The following HEMK2 variants were observed in gnomAD, a reference collection of about 807,000 sequenced individuals.
HEMK2 encodes the protein HemK methyltransferase 2, ETF1 glutamine and histone H4 lysine, also known as methyltransferase HEMK2.
At chr21:28,830,471 T>A in the HEMK2 span, among the ~76,000 whole-genome samples, 9 of 152,212 alleles carry the variant, frequency 5.9e-5, no homozygotes, top group Non-Finnish European at 8.8e-5. Flanking sequence ...CCTATGGAAC[T>A]GTGAGTCAAT....
the HEMK2 span, among the ~76,000 whole-genome samples, chr21:28,672,513 G>A: frequency 2.6e-3 from 399 of 152,190 alleles, 1 homozygote; most frequent in African/African-American, 9.0e-3. Context: ...GCTCCTGTTT[G>A]GTAGAAAAGA....
At chr21:28,781,366 T>C in the HEMK2 span, among the ~76,000 whole-genome samples, 121 of 152,262 alleles carry the variant, frequency 7.9e-4, no homozygotes, top group African/African-American at 2.7e-3. Flanking sequence ...AGAAGGATCA[T>C]TGAGTAATTG....
the HEMK2 span, among the ~76,000 whole-genome samples, chr21:28,731,302 C>T: frequency 2.0e-5 from 3 of 152,130 alleles, no homozygotes; most frequent in South Asian, 4.1e-4. Flanking sequence ...CACATAGATA[C>T]TATGTAATGG....
the HEMK2 span, among the ~76,000 whole-genome samples, chr21:28,674,173 A>G: frequency 6.6e-6 from 1 of 152,204 alleles, no homozygotes; most frequent in Non-Finnish European, 1.5e-5. Context: ...TAGCGCCATG[A>G]CAGTTTACAG....
At chr21:28,668,461 G>A in the HEMK2 span, among the ~76,000 whole-genome samples, 3,553 of 152,180 alleles carry the variant, frequency 0.023, 147 homozygotes, top group African/African-American at 0.082. Flanking sequence ...GCCACCTAAA[G>A]AAGTTTTTAT....
chr21:28,631,094 G>A, the HEMK2 span, among the ~76,000 whole-genome samples: 2 of 152,062 alleles, frequency 1.3e-5, no homozygotes, highest in Non-Finnish European at 2.9e-5. Flanking sequence ...GGGGTGCAGA[G>A]GAAAATTTAG....
At chr21:28,729,326 C>G in the HEMK2 span, among the ~76,000 whole-genome samples, 403 of 152,228 alleles carry the variant, frequency 2.6e-3, 3 homozygotes, top group African/African-American at 9.1e-3. Context: ...TTAATAGGAG[C>G]AAATGGCAAA....
chr21:28,760,502 G>T, the HEMK2 span, among the ~76,000 whole-genome samples: 1 of 152,146 alleles, frequency 6.6e-6, no homozygotes, highest in Non-Finnish European at 1.5e-5. Flanking sequence ...CACTGGAAAA[G>T]AAACTTTTAT....
At chr21:28,837,752 CT>C in the HEMK2 span, among the ~76,000 whole-genome samples, 2 of 152,136 alleles carry the variant, frequency 1.3e-5, no homozygotes, top group Non-Finnish European at 1.5e-5. Flanking sequence ...GAACAAAAAG[CT>C]GGCTCTTTGA....
chr21:28,635,006 G>A, the HEMK2 span, among the ~76,000 whole-genome samples: 1 of 151,860 alleles, frequency 6.6e-6, no homozygotes, highest in South Asian at 2.1e-4. Context: ...GAGTCTGGTA[G>A]TTTATCACGC....
chr21:28,619,522 T>C, the HEMK2 span, among the ~76,000 whole-genome samples: 3 of 152,194 alleles, frequency 2.0e-5, no homozygotes, highest in Admixed American at 2.0e-4. Context: ...TTACCACCCA[T>C]TGGCACTTCT....
chr21:28,702,028 C>A, the HEMK2 span, among the ~76,000 whole-genome samples: 1 of 152,014 alleles, frequency 6.6e-6, no homozygotes, highest in African/African-American at 2.4e-5. Flanking sequence ...AATAACGCAG[C>A]ACACCTACAA....
the HEMK2 span, among the ~76,000 whole-genome samples, chr21:28,615,095 T>C: frequency 2.3e-3 from 346 of 152,190 alleles, 1 homozygote; most frequent in African/African-American, 7.9e-3. Context: ...GCTTCTCCCT[T>C]TCCTCATTTA....
the HEMK2 span, among the ~76,000 whole-genome samples, chr21:28,846,729 A>G: frequency 6.6e-5 from 10 of 152,118 alleles, no homozygotes; most frequent in African/African-American, 2.4e-4. Context: ...AGATTATTTC[A>G]TAACCCAGTG....
At chr21:28,831,466 A>AGAACGAAAGAAC in the HEMK2 span, among the ~76,000 whole-genome samples, 11 of 27,474 alleles carry the variant, frequency 4.0e-4, no homozygotes, top group South Asian at 1.3e-3. Flanking sequence ...AAAGAACGAA[A>AGAACGAAAGAAC]GAAAGAAAGA....
the HEMK2 span, among the ~76,000 whole-genome samples, chr21:28,679,485 G>C: frequency 6.6e-6 from 1 of 152,136 alleles, no homozygotes; most frequent in Non-Finnish European, 1.5e-5. Flanking sequence ...ACATTAGACA[G>C]ATCAACGAGA....
the HEMK2 span, among the ~76,000 whole-genome samples, chr21:28,858,544 G>GAAGGAGGGAGGGAGGA: frequency 2.0e-5 from 3 of 151,904 alleles, no homozygotes; most frequent in Non-Finnish European, 2.9e-5. Context: ...ATGAAAACAG[G>GAAGGAGGGAGGGAGGA]AAGGAGGGAG....
chr21:28,627,221 C>T, the HEMK2 span, among the ~76,000 whole-genome samples: 2 of 152,086 alleles, frequency 1.3e-5, no homozygotes, highest in Non-Finnish European at 2.9e-5. Context: ...CAGAGCAGTG[C>T]ACTGCAAAGA....
At chr21:28,763,264 G>C in the HEMK2 span, among the ~76,000 whole-genome samples, 1 of 152,112 alleles carries the variant, frequency 6.6e-6, no homozygotes, top group East Asian at 1.9e-4. Flanking sequence ...ATTGGCTTAT[G>C]GTTCTGCATG....
Sources: allele counts gnomAD v4.1 joint callset (sites outside exome capture counted in the v4.1 genomes callset), GRCh38; gene constraint gnomAD v4.1.1; transcripts MANE v1.5; gene names NCBI Gene and HGNC (gene_info 2026-07-23, HGNC 2026-07-21).